The following KCNAB1 variants were observed in gnomAD, a reference collection of about 807,000 sequenced individuals.
The protein encoded by KCNAB1 is voltage-gated potassium channel subunit beta-1.
KCNAB1 carries 35 observed loss-of-function variants against 64.6 expected under a neutral mutation model. The ratio of observed to expected loss-of-function variants is 0.54; its 90% CI spans 0.41 to 0.72. KCNAB1 has a LOEUF of 0.72. Ranked by LOEUF, KCNAB1 falls within the 30% of genes least tolerant of loss-of-function variation. The pLI is 0.00. For synonymous variants in KCNAB1, 177 were observed against 183.8 expected (o/e 0.96, Z 0.30); for missense variants, 401 against 512.9 (o/e 0.78, Z 2.11).
chr3:156,245,749 T>A (rs1484607026), intron 1 of KCNAB1, among the ~76,000 whole-genome samples: 1 of 152,212 alleles, frequency 6.6e-6, no homozygotes, highest in Admixed American at 6.5e-5. Context: ...TTTACAACCT[T>A]GCCCATGGAC....
chr3:156,371,400 G>T (rs1384362295), intron 1 of KCNAB1, among the ~76,000 whole-genome samples: 1 of 152,166 alleles, frequency 6.6e-6, no homozygotes, highest in Admixed American at 6.5e-5. Context: ...ACAAATGTTT[G>T]CTTCTAACAT....
rs1187528542 is a variant in KCNAB1 at position 156,179,488 on chromosome 3, G to T, written c.275+58602G>T. 7.4e-5 allele frequency among the ~76,000 whole-genome samples: 9 copies of T among 121,474 alleles called. No individual in the cohort carries two copies. The Admixed American group carries it at 1.1e-3, about 15-fold the overall frequency. The allele number at this position is 121,474 out of a possible 152,430, so 79.7% of individuals were successfully genotyped here. A position where few individuals can be genotyped will look rare whatever the true frequency, so the allele number is the denominator to read the frequency against. ...TCTGGCTAATTGCTCGTTATTTCAC[G>T]TGGAAGGACCCAGCCACATACATGT... On this transcript the variant is annotated intron_variant, in intron 1 of 13. Coordinates refer to ENST00000490337, the MANE Select transcript of KCNAB1 (RefSeq NM_172160.3).
At chr3:156,342,585 C>CTTTTTTTTTTTTTTTTTTTTTTATT (rs1724199576) in intron 1 of KCNAB1, among the ~76,000 whole-genome samples, 8 of 86,248 alleles carry the variant, frequency 9.3e-5, no homozygotes, top group Non-Finnish European at 1.8e-4. Context: ...CTATGTGTTT[C>CTTTTTTTTTTTTTTTTTTTTTTATT]TTTTTTTTTT....
At chr3:156,147,387 G>A (rs1436800474) in intron 1 of KCNAB1, among the ~76,000 whole-genome samples, 1 of 152,116 alleles carries the variant, frequency 6.6e-6, no homozygotes, top group African/African-American at 2.4e-5. Flanking sequence ...TCTTTCCTGT[G>A]GAGCCCCTAA....
chr3:156,291,208 A>G lies in KCNAB1; in HGVS notation c.276-130408A>G, dbSNP rs79232398. ...AAGGGACCTGCCTGCTCCTCCGTGC[A>G]GCTGCAAACCCGTGTCGGTGCAGGC... On this transcript the variant is annotated intron_variant, in intron 1 of 13. Transcript: ENST00000490337. 7.1e-3 allele frequency: 7,034 copies of G among 986,020 alleles called. 402 individuals are homozygous for G. In the African/African-American group the frequency reaches 0.11, roughly 16 times the overall value. 61.1% of individuals were successfully genotyped at this position (986,020 alleles called of 1,614,324 possible).
In KCNAB1 at chr3:156,150,662, C is replaced by T. The variant is rs187868441; in HGVS notation, c.275+29776C>T. On this transcript the variant is annotated intron_variant, in intron 1 of 13. Coordinates refer to ENST00000490337, the MANE Select transcript of KCNAB1 (RefSeq NM_172160.3). Reference sequence around the variant, plus strand: ...TTCCCTGCAGTGCCTTTGAGTGCCACTGGGATGTGCTATTTCATAAAGAAA... The same window carrying T: ...TTCCCTGCAGTGCCTTTGAGTGCCATTGGGATGTGCTATTTCATAAAGAAA... Among the ~76,000 whole-genome samples the T allele has an allele frequency of 2.0e-5, 3 of 152,278 alleles. No homozygotes were observed. In the East Asian group the frequency reaches 5.8e-4, roughly 29 times the overall value.
intron 8 of KCNAB1, among the ~76,000 whole-genome samples, chr3:156,509,666 A>C (rs534117443): frequency 9.8e-5 from 15 of 152,306 alleles, no homozygotes; most frequent in Non-Finnish European, 1.8e-4. Context: ...AAACTAGGGA[A>C]GGAGCCCAGA....
Position 156,127,121 on chromosome 3 carries a change from A to G in KCNAB1, c.275+6235A>G, listed in dbSNP as rs532790443. Among the ~76,000 whole-genome samples the G allele has an allele frequency of 3.3e-5, 5 of 152,226 alleles. No homozygotes were observed. In the South Asian group the frequency reaches 1.0e-3, roughly 32 times the overall value. The stretch of plus-strand genomic sequence containing the variant: ...AGACACTCAATCAATTTTGGTGCTC[A>G]CCTCTGCCACTTTCCTCTTTTTCCA... On this transcript the variant is annotated intron_variant, in intron 1 of 13. Transcript: ENST00000490337.
At chr3:156,473,479 T>A (rs529790355) in intron 7 of KCNAB1, among the ~76,000 whole-genome samples, 1 of 152,334 alleles carries the variant, frequency 6.6e-6, no homozygotes, top group South Asian at 2.1e-4. Context: ...TCACACTGTT[T>A]CTTGAGATAG....
chr3:156,291,765 C>T (rs975604190), intron 1 of KCNAB1: 4 of 1,479,640 alleles, frequency 2.7e-6, no homozygotes, highest in Non-Finnish European at 3.6e-6. Flanking sequence ...AAGTCAGCCG[C>T]CAGGACTCCT....
chr3:156,425,639 G>A (rs563895605), intron 2 of KCNAB1, among the ~76,000 whole-genome samples: 5 of 152,296 alleles, frequency 3.3e-5, no homozygotes, highest in East Asian at 1.9e-4. Flanking sequence ...TAGAATTTAC[G>A]TTAATTCACT....
intron 1 of KCNAB1, among the ~76,000 whole-genome samples, chr3:156,174,723 G>A (rs114050841): frequency 0.012 from 1,784 of 152,270 alleles, 18 homozygotes; most frequent in African/African-American, 0.032. Context: ...CAATGTGGTC[G>A]CTTCCACAGG....
chr3:156,493,546 A>T (rs1715793025), intron 8 of KCNAB1, among the ~76,000 whole-genome samples: 1 of 152,102 alleles, frequency 6.6e-6, no homozygotes, highest in Admixed American at 6.6e-5. Context: ...ATCTTCTGTA[A>T]CCATTTAGAA....
chr3:156,319,908 C>T (rs1722540613), intron 1 of KCNAB1, among the ~76,000 whole-genome samples: 1 of 152,144 alleles, frequency 6.6e-6, no homozygotes, highest in African/African-American at 2.4e-5. Flanking sequence ...TTCTGGGTTT[C>T]CAAGTAAGTA....
intron 1 of KCNAB1, among the ~76,000 whole-genome samples, chr3:156,197,608 A>G (rs531965655): frequency 6.6e-6 from 1 of 152,178 alleles, no homozygotes; most frequent in Admixed American, 6.5e-5. Flanking sequence ...GTATTCTCTG[A>G]TGGTAGTTGG....
chr3:156,446,626 C>A (rs935260997), intron 2 of KCNAB1, among the ~76,000 whole-genome samples: 1 of 152,148 alleles, frequency 6.6e-6, no homozygotes, highest in Non-Finnish European at 1.5e-5. Flanking sequence ...CATACTCTGA[C>A]CTTGGTGTTC....
chr3:156,201,683 G>A (rs536975795), intron 1 of KCNAB1, among the ~76,000 whole-genome samples: 165 of 152,314 alleles, frequency 1.1e-3, no homozygotes, highest in Non-Finnish European at 2.0e-3. Context: ...CACTCATGCC[G>A]GCAGCAGTGG....
intron 1 of KCNAB1, among the ~76,000 whole-genome samples, chr3:156,350,891 G>A (rs1252057144): frequency 6.6e-6 from 1 of 152,224 alleles, no homozygotes; most frequent in African/African-American, 2.4e-5. Context: ...AGGTGCAGGG[G>A]CAGCCTCTGC....
chr3:156,377,893 A>C (rs1462598746), intron 1 of KCNAB1, among the ~76,000 whole-genome samples: 1 of 152,156 alleles, frequency 6.6e-6, no homozygotes, highest in Non-Finnish European at 1.5e-5. Context: ...GGGTTGCCTC[A>C]ACTTTTCTTC....
Sources: gnomAD v4.1 joint callset for allele counts (sites outside exome capture counted in the v4.1 genomes callset) on GRCh38, gnomAD v4.1.1 for gene constraint, MANE v1.5 for transcripts, NCBI Gene and HGNC (gene_info 2026-07-23, HGNC 2026-07-21) for gene names.